The following SERPIND1 variants were observed in gnomAD, a reference collection of about 807,000 sequenced individuals.
SERPIND1 encodes the protein heparin cofactor 2.
Under a neutral mutation model 35.0 loss-of-function variants are expected in SERPIND1, and 34 were observed. The ratio of observed to expected loss-of-function variants is 0.97; its 90% confidence interval spans 0.74 to 1.29. SERPIND1 has a LOEUF of 1.29. Among genes scored for constraint, SERPIND1 ranks in the 50% most tolerant of loss-of-function variants. SERPIND1 has a pLI of 0.00. For missense variants in SERPIND1, 633 were observed against 637.7 expected, an observed-to-expected ratio of 0.99 and a Z score of 0.08; for synonymous variants, 236 against 241.1, an observed-to-expected ratio of 0.98 and a Z score of 0.19.
chr22:20,775,771 T>G (rs951612757), intron 1 of SERPIND1, among the ~76,000 whole-genome samples: 2 of 152,198 alleles, frequency 1.3e-5, no homozygotes, highest in Admixed American at 6.5e-5. Context: ...ATTACAGGTG[T>G]GAGCCCCTAT....
Position 20,779,698 on chromosome 22 carries a change from T to G in SERPIND1, c.386T>G (p.Leu129Arg). The G allele has an allele frequency of 6.2e-7, 1 of 1,614,242 alleles. No homozygotes were observed. Among genetic ancestry groups the G allele is most frequent in the Admixed American group, 1.7e-5 (1 of 60,032 alleles). ...GKSRIQRLNILNAKFAFNLYR... is the reference protein window; with the variant it reads ...GKSRIQRLNIRNAKFAFNLYR... Reference sequence around the variant, plus strand: ...AGCCGGATCCAGCGTCTTAACATCCTCAACGCCAAGTTCGCTTTCAACCTC... The same window carrying G: ...AGCCGGATCCAGCGTCTTAACATCCGCAACGCCAAGTTCGCTTTCAACCTC... The change falls in exon 2 of 5, where the codon CTC becomes CGC. Residue 129 changes from leucine (L) to arginine (R), a missense_variant. Physicochemically the swap from Leu to Arg is moderately radical, Grantham distance 102. Coordinates refer to ENST00000215727, the MANE Select transcript of SERPIND1 (RefSeq NM_000185.4).
In SERPIND1 at chr22:20,786,984, G is replaced by A. The variant is rs754466406; in HGVS notation, c.1418G>A (p.Arg473His). The part of the protein sequence containing the change: ...LSTQVRFTVD[R>H]PFLFLIYEHR... Reference sequence around the variant, plus strand: ...ACCCAAGTCCGCTTCACTGTCGACCGCCCCTTTCTTTTCCTCATCTACGAG... The same window carrying A: ...ACCCAAGTCCGCTTCACTGTCGACCACCCCTTTCTTTTCCTCATCTACGAG... Residue 473 changes from arginine to histidine, a missense_variant, in exon 5 of 5, where the codon CGC becomes CAC. By Grantham distance (29) the Arg-to-His change is conservative. Coordinates refer to ENST00000215727, the MANE Select transcript of SERPIND1 (RefSeq NM_000185.4). 26 of 1,614,006 alleles carry A rather than the reference G, an allele frequency of 1.6e-5. No homozygotes were observed. The South Asian group carries it at 1.8e-4, about 11-fold the overall frequency.
intron 2 of SERPIND1, among the ~76,000 whole-genome samples, chr22:20,781,897 A>G (rs1023662552): frequency 6.6e-6 from 1 of 152,212 alleles, no homozygotes; most frequent in African/African-American, 2.4e-5. Flanking sequence ...CAGAGATGAC[A>G]CCCACTCTGA....
At chr22:20,775,996 C>T (rs555485413) in intron 1 of SERPIND1, among the ~76,000 whole-genome samples, 6 of 152,224 alleles carry the variant, frequency 3.9e-5, no homozygotes, top group African/African-American at 1.4e-4. Context: ...AGAAACTGGG[C>T]CCAGTTCTAT....
intron 3 of SERPIND1, among the ~76,000 whole-genome samples, chr22:20,785,232 G>A (rs1277214513): frequency 6.6e-6 from 1 of 152,002 alleles, no homozygotes; most frequent in Non-Finnish European, 1.5e-5. Context: ...TTCATGCCCA[G>A]CTAATTAAAC....
intron 2 of SERPIND1, among the ~76,000 whole-genome samples, chr22:20,782,871 C>T (rs996472875): frequency 1.8e-4 from 28 of 152,160 alleles, no homozygotes; most frequent in Admixed American, 1.8e-3. Context: ...AGAAGGGAAT[C>T]GAGCTTCACT....
Position 20,780,218 on chromosome 22 carries a change from C to G in SERPIND1, c.889+17C>G. Reference sequence around the variant, plus strand: ...ACTTCAAAGGTAAGAGGCACCTTTACAGTTCTCACAGCAAACCCACAACAT... The same window carrying G: ...ACTTCAAAGGTAAGAGGCACCTTTAGAGTTCTCACAGCAAACCCACAACAT... On this transcript the variant is annotated intron_variant, in intron 2 of 4. Transcript: ENST00000215727. 2 of 1,614,204 alleles carry G rather than the reference C, an allele frequency of 1.2e-6. No homozygotes were observed. Among genetic ancestry groups the G allele is most frequent in the Non-Finnish European group, 1.7e-6 (2 of 1,180,036 alleles).
chr22:20,780,324 T>G (rs1023971458), intron 2 of SERPIND1, 123 bp downstream of exon 2: 2 of 1,468,902 alleles, frequency 1.4e-6, no homozygotes, highest in East Asian at 4.5e-5. Context: ...GACACAAGAT[T>G]GACTCTGGAA....
intron 1 of SERPIND1, among the ~76,000 whole-genome samples, chr22:20,777,067 T>C (rs954701578): frequency 1.3e-5 from 2 of 152,032 alleles, no homozygotes; most frequent in African/African-American, 4.8e-5. Context: ...TTCTGTTTTT[T>C]GAGATAAGGA....
chr22:20,776,658 C>T (rs1933308753), intron 1 of SERPIND1, among the ~76,000 whole-genome samples: 1 of 152,166 alleles, frequency 6.6e-6, no homozygotes, highest in Admixed American at 6.5e-5. Context: ...CAAGGCTGAG[C>T]GCTTGATGTG....
At chr22:20,781,743 C>T (rs1339684420) in intron 2 of SERPIND1, among the ~76,000 whole-genome samples, 2 of 152,234 alleles carry the variant, frequency 1.3e-5, no homozygotes, top group Non-Finnish European at 2.9e-5. Context: ...GATGAACACA[C>T]ATATCCTTTT....
Position 20,780,162 on chromosome 22 carries a change from G to C in SERPIND1, c.850G>C (p.Ala284Pro), listed in dbSNP as rs1048575390. 1.2e-6 allele frequency: 2 copies of C among 1,614,216 alleles called. No individual in the cohort carries two copies. The highest frequency in any genetic ancestry group is 1.6e-4 in the Middle Eastern group (1 of 6,062). Residue 284 changes from alanine to proline, a missense_variant, in exon 2 of 5, where the codon GCT becomes CCT. Physicochemically the swap from Ala to Pro is conservative, Grantham distance 27. Transcript: ENST00000215727. ...IKDALENIDP[A>P]TQMMILNCIY... is the part of the protein sequence containing the mutation. ...AGATGCTCTGGAGAATATAGACCCT[G>C]CTACCCAGATGATGATTCTCAACTG... is the stretch of plus-strand genomic sequence containing the variant.
In SERPIND1 at chr22:20,780,082, C is replaced by G; in HGVS notation, c.770C>G (p.Ala257Gly). Residue 257 changes from alanine (A) to glycine (G), a missense_variant, in exon 2 of 5, where the codon GCC (alanine) becomes GGC (glycine). Ala to Gly is a moderately conservative substitution (Grantham distance 60). Coordinates refer to ENST00000215727, the MANE Select transcript of SERPIND1 (RefSeq NM_000185.4). ...EAQIADFSDP[A>G]FISKTNNHIM... ...CAGATAGCTGACTTCTCAGACCCTG[C>G]CTTCATATCAAAAACCAACAACCAC... is the stretch of plus-strand genomic sequence containing the variant. 1.2e-6 allele frequency: 2 copies of G among 1,614,126 alleles called. No individual in the cohort carries two copies. The highest frequency in any genetic ancestry group is 8.5e-7 in the Non-Finnish European group (1 of 1,180,022).
Position 20,779,531 on chromosome 22 carries a change from G to C in SERPIND1, c.219G>C (p.Gly73=), listed in dbSNP as rs1933582605. The C allele has an allele frequency of 6.2e-7, 1 of 1,613,846 alleles. No individual in the cohort carries two copies. The highest frequency in any genetic ancestry group is 1.3e-5 in the African/African-American group (1 of 74,934). ...NTVTNDWIPE[G]EEDDDYLDLE... is the part of the protein sequence containing the mutation. ...TCACCAACGACTGGATTCCAGAGGG[G>C]GAGGAGGACGACGACTATCTGGACC... is the stretch of plus-strand genomic sequence containing the variant. Residue 73 remains glycine, a synonymous_variant, in exon 2 of 5, where the codon GGG becomes GGC. Coordinates refer to ENST00000215727, the MANE Select transcript of SERPIND1 (RefSeq NM_000185.4).
At chr22:20,776,277 T>C (rs1039107893) in intron 1 of SERPIND1, among the ~76,000 whole-genome samples, 1 of 152,098 alleles carries the variant, frequency 6.6e-6, no homozygotes, top group Non-Finnish European at 1.5e-5. Context: ...TGAACCAATA[T>C]TGTGCCACTG....
At chr22:20,778,737 C>A (rs1037085030) in intron 1 of SERPIND1, among the ~76,000 whole-genome samples, 5 of 152,180 alleles carry the variant, frequency 3.3e-5, no homozygotes, top group African/African-American at 1.2e-4. Context: ...CAATCACCAG[C>A]CCCAGGTGCC....
intron 2 of SERPIND1, among the ~76,000 whole-genome samples, chr22:20,782,699 G>C (rs1275511701): frequency 1.3e-5 from 2 of 152,158 alleles, no homozygotes; most frequent in African/African-American, 4.8e-5. Context: ...GTCACAACCT[G>C]GGGGGTTGGA....
Position 20,784,056 on chromosome 22 carries a change from T to C in SERPIND1, c.974T>C (p.Met325Thr), listed in dbSNP as rs755249608. 2 of 1,614,142 alleles carry C rather than the reference T, an allele frequency of 1.2e-6. No homozygotes were observed. The highest frequency in any genetic ancestry group is 1.7e-5 in the Admixed American group (1 of 60,014). ...LNEREVVKVS[M>T]MQTKGNFLAA... ...GAGAGAGAGGTAGTTAAGGTTTCCA[T>C]GATGCAGACCAAGGGGAACTTCCTC... The change falls in exon 3 of 5, where the codon ATG becomes ACG. Residue 325 changes from methionine (M) to threonine (T), a missense_variant. Physicochemically the swap from Met to Thr is moderately conservative, Grantham distance 81 (BLOSUM62 -1). Coordinates refer to ENST00000215727, the MANE Select transcript of SERPIND1 (RefSeq NM_000185.4).
intron 2 of SERPIND1, among the ~76,000 whole-genome samples, chr22:20,781,622 C>T (rs1933805865): frequency 6.6e-6 from 1 of 152,226 alleles, no homozygotes. Context: ...CACTCTGACA[C>T]CCAGGTTTCC....
Sources: allele counts gnomAD v4.1 joint callset (sites outside exome capture counted in the v4.1 genomes callset), GRCh38; gene constraint gnomAD v4.1.1; transcripts MANE v1.5; gene names NCBI Gene and HGNC (gene_info 2026-07-23, HGNC 2026-07-21).